CADPS: variants seen among roughly 807,000 people sequenced by gnomAD.
The protein encoded by CADPS is calcium-dependent secretion activator 1.
In CADPS, 57 loss-of-function variants were observed where a neutral mutation model predicts 167.3. That is an observed-to-expected ratio of 0.34 (90% CI 0.28 to 0.42). The LOEUF (loss-of-function observed/expected upper bound fraction) is 0.42, where lower values mean the gene tolerates loss of function less well. Among genes scored for constraint, CADPS ranks in the 20% least tolerant of loss-of-function variants. The pLI, the probability that CADPS is intolerant of heterozygous loss-of-function variation, is 1.00. For missense variants in CADPS, 1,414 were observed against 1,738.1 expected (o/e 0.81, Z 3.32); for synonymous variants, 676 against 635.3 (o/e 1.06, Z -0.96).
At chr3:62,725,065 T>C (rs2076490654) in intron 3 of CADPS, among the ~76,000 whole-genome samples, 1 of 152,204 alleles carries the variant, frequency 6.6e-6, no homozygotes, top group Non-Finnish European at 1.5e-5. Flanking sequence ...TTTTCTGCCT[T>C]TGCTTCTTTC....
chr3:62,775,224 T>C (rs1008234496), intron 1 of CADPS, among the ~76,000 whole-genome samples: 1 of 151,736 alleles, frequency 6.6e-6, no homozygotes, highest in African/African-American at 2.4e-5. Context: ...TTTTGTATTT[T>C]TTTTTTTTAG....
chr3:62,630,747 T>C (rs1262595147), intron 6 of CADPS, among the ~76,000 whole-genome samples: 1 of 152,186 alleles, frequency 6.6e-6, no homozygotes, highest in African/African-American at 2.4e-5. Context: ...CTGTGATTTG[T>C]ACTTTGGGCA....
intron 7 of CADPS, among the ~76,000 whole-genome samples, chr3:62,586,969 T>C (rs1455869710): frequency 6.6e-6 from 1 of 152,244 alleles, no homozygotes; most frequent in African/African-American, 2.4e-5. Flanking sequence ...GCAAGGTACA[T>C]TGTTGATGAC....
intron 1 of CADPS, among the ~76,000 whole-genome samples, chr3:62,784,599 C>A (rs2092202601): frequency 6.6e-6 from 1 of 152,000 alleles, no homozygotes; most frequent in South Asian, 2.1e-4. Flanking sequence ...GTAGAAGAAT[C>A]AAATATTAAT....
intron 1 of CADPS, among the ~76,000 whole-genome samples, chr3:62,817,870 C>A (rs7610255): frequency 0.2 from 30,709 of 152,020 alleles, 3,349 homozygotes; most frequent in African/African-American, 0.24. Context: ...TGTGGCCTTC[C>A]AAGTTCAAAT....
intron 3 of CADPS, among the ~76,000 whole-genome samples, chr3:62,738,986 G>C (rs1341980224): frequency 6.6e-6 from 1 of 152,156 alleles, no homozygotes. Context: ...AGATTCAAAA[G>C]TGGCCATAAC....
rs867450184 is a variant in CADPS at position 62,412,226 on chromosome 3, A to C, written c.3778-9041T>G. 6.7e-5 allele frequency among the ~76,000 whole-genome samples: 10 copies of C among 150,342 alleles called. No homozygotes were observed. Among genetic ancestry groups the C allele is most frequent in the South Asian group, 4.2e-4 (2 of 4,770 alleles). On this transcript the variant is annotated intron_variant, in intron 28 of 29. Transcript: ENST00000383710. The surrounding 1 kb of genome is among the most constrained non-coding windows in gnomAD (Gnocchi z 4.1). ...CCACTGAAGTCTTTACAAAGCTATC[A>C]GTGCTGTGGCTTTTCAGGATGGCCG...
At chr3:62,731,823 A>AAAAAAAAG (rs2077913769) in intron 3 of CADPS, among the ~76,000 whole-genome samples, 1 of 82,902 alleles carries the variant, frequency 1.2e-5, no homozygotes, top group Non-Finnish European at 2.2e-5. Context: ...AAAAAAAAAA[A>AAAAAAAAG]AAAAAAAGTA....
intron 1 of CADPS, among the ~76,000 whole-genome samples, chr3:62,809,772 A>C (rs1029483736): frequency 2.0e-5 from 3 of 152,138 alleles, no homozygotes; most frequent in African/African-American, 7.2e-5. Context: ...TGCCTGTCAT[A>C]CAGTAGATGA....
chr3:62,528,765 A>G (rs1429820575), intron 13 of CADPS, among the ~76,000 whole-genome samples: 2 of 152,238 alleles, frequency 1.3e-5, no homozygotes, highest in Non-Finnish European at 2.9e-5. Context: ...TTGGACTTAG[A>G]ACATCTAGGT....
intron 8 of CADPS, among the ~76,000 whole-genome samples, chr3:62,580,139 A>G (rs1028756565): frequency 6.6e-6 from 1 of 152,180 alleles, no homozygotes; most frequent in Admixed American, 6.5e-5. Context: ...ATGCACACGT[A>G]TGTTTACTGT....
intron 6 of CADPS, among the ~76,000 whole-genome samples, chr3:62,609,107 C>T (rs1428205646): frequency 1.3e-5 from 2 of 152,154 alleles, no homozygotes; most frequent in Non-Finnish European, 2.9e-5. Context: ...ATGCATTTGA[C>T]AATAACAAAA....
Position 62,445,295 on chromosome 3 carries a change from G to GT in CADPS, c.3669+469dup, listed in dbSNP as rs201010860. ...AAATGAACAAATTTAGAATTTATTTGTTTTTTTTATTAGGTTGGTGCAAAG... is the reference window on the plus strand; with the variant it reads ...AAATGAACAAATTTAGAATTTATTTGTTTTTTTTTATTAGGTTGGTGCAAAG... On this transcript the variant is annotated intron_variant, in intron 27 of 29. Transcript: ENST00000383710. Among the ~76,000 whole-genome samples, 622 of 151,936 alleles carry GT rather than the reference G, an allele frequency of 4.1e-3. 2 individuals carry two copies. The highest frequency in any genetic ancestry group is 1.0e-2 in the African/African-American group (413 of 41,440).
chr3:62,629,443 G>C (rs1384101033), intron 6 of CADPS, among the ~76,000 whole-genome samples: 1 of 152,134 alleles, frequency 6.6e-6, no homozygotes, highest in Admixed American at 6.6e-5. Flanking sequence ...GCATGTATGA[G>C]GACTTCAATC....
At chr3:62,828,222 A>C (rs1270984497) in intron 1 of CADPS, among the ~76,000 whole-genome samples, 1 of 152,070 alleles carries the variant, frequency 6.6e-6, no homozygotes, top group Non-Finnish European at 1.5e-5. Context: ...TGCAGGTAAG[A>C]GGGTTTGGGT....
intron 3 of CADPS, among the ~76,000 whole-genome samples, chr3:62,707,063 T>C (rs2151699541): frequency 6.6e-6 from 1 of 152,252 alleles, no homozygotes; most frequent in East Asian, 1.9e-4. Flanking sequence ...AACATATGAA[T>C]TTTAGAGCAG....
At chr3:62,440,157 A>T (rs2056011992) in intron 27 of CADPS, 1 of 152,192 alleles carries the variant, frequency 6.6e-6, no homozygotes, top group Admixed American at 6.5e-5. Flanking sequence ...TACCTAGCAT[A>T]TAGTAGGGGC....
At chr3:62,541,524 A>G (rs1285719588) in intron 11 of CADPS, among the ~76,000 whole-genome samples, 2 of 152,194 alleles carry the variant, frequency 1.3e-5, no homozygotes, top group Non-Finnish European at 2.9e-5. Flanking sequence ...ATGAACATAC[A>G]GACTTACGGA....
At position 62,535,236 on chromosome 3, in the gene CADPS, C is replaced by CT. The variant is rs543859147; in HGVS notation, c.2103+1208dup. On this transcript the variant is annotated intron_variant, in intron 12 of 29. Transcript: ENST00000383710. ...GGTAAGCTTTTTTCTTTTTCTTTTT[C>CT]TTTTTTTTTTTTTAAGTCAAAGTGA... Among the ~76,000 whole-genome samples, 942 of 139,184 alleles carry CT rather than the reference C, an allele frequency of 6.8e-3. 5 individuals are homozygous for CT. Among genetic ancestry groups the CT allele is most frequent in the African/African-American group, 0.018 (696 of 38,272 alleles). 91.3% of individuals were successfully genotyped at this position (139,184 alleles called of 152,430 possible). A position where few individuals can be genotyped will look rare whatever the true frequency, so the allele number is the denominator to read the frequency against.
Sources: allele counts gnomAD v4.1 joint callset (sites outside exome capture counted in the v4.1 genomes callset), GRCh38; gene constraint gnomAD v4.1.1; non-coding constraint Gnocchi (gnomAD v3.1); transcripts MANE v1.5; gene names NCBI Gene and HGNC (gene_info 2026-07-23, HGNC 2026-07-21).